HTR1D: variants seen among roughly 807,000 people sequenced by gnomAD.
HTR1D encodes 5-HT-1D.
A neutral mutation model predicts 21.1 loss-of-function variants in HTR1D; 18 were observed. The observed-to-expected ratio is 0.85, with a 90% CI of 0.59 to 1.27. HTR1D has a LOEUF of 1.27. Among genes scored for constraint, HTR1D ranks in the 50% most tolerant of loss-of-function variants. The probability of loss-of-function intolerance (pLI) is 0.00; values close to 1 mark genes in which losing one functional copy is unlikely to be tolerated. For missense variants in HTR1D, 456 were observed against 481.4 expected (o/e 0.95, Z 0.49); for synonymous variants, 196 against 204.4 (o/e 0.96, Z 0.35).
chr1:23,208,903 GAAT>G (rs1644742644), intron 1 of HTR1D, among the ~76,000 whole-genome samples: 1 of 151,632 alleles, frequency 6.6e-6, no homozygotes, highest in Admixed American at 6.6e-5. Context: ...TGTAAAAAAA[GAAT>G]ATAAAATATC....
intron 1 of HTR1D, among the ~76,000 whole-genome samples, chr1:23,202,294 T>C (rs922140568): frequency 5.3e-5 from 8 of 152,106 alleles, no homozygotes; most frequent in African/African-American, 1.7e-4. Context: ...GGTTTCACCA[T>C]GTTGGCCAGG....
rs1343560026 is a variant in HTR1D at position 23,193,721 on chromosome 1, T to C, written c.499A>G (p.Ile167Val). ...TMIAIVWAISICISIPPLFWR... is the reference protein window; with the variant it reads ...TMIAIVWAISVCISIPPLFWR... ...AAGAGCGGGGGGATGGAGATGCAGA[T>C]GGAGATGGCCCAGACAATGGCGATC... The change falls in exon 2 of 2, where the codon ATC becomes GTC. Residue 167 changes from isoleucine (I) to valine (V), a missense_variant. Ile to Val is a conservative substitution (Grantham distance 29). Coordinates refer to ENST00000374619, the MANE Select transcript of HTR1D (RefSeq NM_000864.5). 3 of 1,614,064 alleles carry C rather than the reference T, an allele frequency of 1.9e-6. No individual in the cohort carries two copies. The highest frequency in any genetic ancestry group is 2.5e-6 in the Non-Finnish European group (3 of 1,179,982).
At chr1:23,210,794 A>G (rs760825356) in intron 1 of HTR1D, among the ~76,000 whole-genome samples, 9 of 152,022 alleles carry the variant, frequency 5.9e-5, no homozygotes, top group Non-Finnish European at 1.0e-4. Context: ...AGGGCTGACC[A>G]TACTTTGCAA....
rs774702834 is a variant in HTR1D, at chr1:23,213,722, A to AT, written c.-783+3568dup. ...TGTTGTACTCCTGTCTGCTTTCTAA[A>AT]TTTTTTTTGTTTGTTTTTTAGAGAT... On this transcript the variant is annotated intron_variant, in intron 1 of 1. Transcript: ENST00000374619. Among the ~76,000 whole-genome samples the AT allele has an allele frequency of 2.6e-5, 4 of 151,756 alleles. 1 individual carries two copies. The highest frequency in any genetic ancestry group is 5.9e-5 in the Non-Finnish European group (4 of 67,944).
intron 1 of HTR1D, among the ~76,000 whole-genome samples, chr1:23,199,101 A>C (rs1011292449): frequency 2.0e-5 from 3 of 152,038 alleles, no homozygotes; most frequent in Non-Finnish European, 4.4e-5. Flanking sequence ...TGCTGGGATT[A>C]TAGGCGTGAG....
At chr1:23,208,334 G>A (rs1435247050) in intron 1 of HTR1D, among the ~76,000 whole-genome samples, 1 of 152,120 alleles carries the variant, frequency 6.6e-6, no homozygotes, top group Non-Finnish European at 1.5e-5. Context: ...CACTTTGGGA[G>A]GTCGAGGCGG....
At position 23,194,671 on chromosome 1, in the gene HTR1D, T is replaced by A. The variant is rs1332311645; in HGVS notation, c.-452A>T. 1 of 167,562 alleles carries A rather than the reference T, an allele frequency of 6.0e-6. No individual in the cohort carries two copies. 10.4% of individuals were successfully genotyped at this position (167,562 alleles called of 1,614,324 possible). On this transcript the variant is annotated 5_prime_UTR_variant, in exon 2 of 2. Coordinates refer to ENST00000374619, the MANE Select transcript of HTR1D (RefSeq NM_000864.5). ...CTCTTTTCAAAGCTTGAGACATTCG[T>A]GTGTTTAATGAGAACTTCAGAATTC...
At chr1:23,202,488 A>T (rs997344236) in intron 1 of HTR1D, among the ~76,000 whole-genome samples, 1 of 152,180 alleles carries the variant, frequency 6.6e-6, no homozygotes, top group African/African-American at 2.4e-5. Flanking sequence ...TGTTGCCTCC[A>T]CTTTCTGAGG....
At position 23,216,295 on chromosome 1, in the gene HTR1D, C is replaced by T. The variant is rs1271320942; in HGVS notation, c.-783+996G>A. Among the ~76,000 whole-genome samples, 3 of 152,228 alleles carry T rather than the reference C, an allele frequency of 2.0e-5. 1 individual carries two copies. On this transcript the variant is annotated intron_variant, in intron 1 of 1. Transcript: ENST00000374619. ...AATGATGGCCACTAGTGGCTGAGCT[C>T]TGGTTTGGAGCCAGGGGCTGTGCTG...
chr1:23,193,495 G>A lies in HTR1D; in HGVS notation c.725C>T (p.Ala242Val), dbSNP rs1454567135. 6.2e-7 allele frequency: 1 copy of A among 1,613,954 alleles called. No homozygotes were observed. Among genetic ancestry groups the A allele is most frequent in the Non-Finnish European group, 8.5e-7 (1 of 1,179,938 alleles). The stretch of plus-strand genomic sequence containing the variant: ...CCCGGCAGAGCCTGTGATGAGGTGG[G>A]CCGTGGTGAAGCGCTTCCCATAGAG... ...PSLYGKRFTTAHLITGSAGSS... is the reference protein window; with the variant it reads ...PSLYGKRFTTVHLITGSAGSS... Residue 242 changes from alanine (A) to valine (V), a missense_variant, in exon 2 of 2, where the codon GCC becomes GTC. By Grantham distance (64) the Ala-to-Val change is moderately conservative. Transcript: ENST00000374619.
At chr1:23,209,494 TA>T (rs756850501) in intron 1 of HTR1D, among the ~76,000 whole-genome samples, 93 of 86,346 alleles carry the variant, frequency 1.1e-3, no homozygotes, top group African/African-American at 1.9e-3. Context: ...GTTGGGACAG[TA>T]GGGGGGGAGG....
chr1:23,194,002 G>T lies in HTR1D; in HGVS notation c.218C>A (p.Ala73Asp). The stretch of plus-strand genomic sequence containing the variant: ...GGCCAGGGAGCCAATCAGGTAGTTG[G>T]CAGGGGTGTGGAGCTTCCTGGTGAG... ...ILLTRKLHTPANYLIGSLATT... is the reference protein window; with the variant it reads ...ILLTRKLHTPDNYLIGSLATT... Residue 73 changes from alanine (A) to aspartate (D), a missense_variant, in exon 2 of 2, where the codon GCC (alanine) becomes GAC (aspartate). Coordinates refer to ENST00000374619, the MANE Select transcript of HTR1D (RefSeq NM_000864.5). The T allele has an allele frequency of 1.2e-6, 2 of 1,614,162 alleles. No individual in the cohort carries two copies. The highest frequency in any genetic ancestry group is 1.7e-6 in the Non-Finnish European group (2 of 1,180,046).
At chr1:23,215,245 T>C (rs1260832949) in intron 1 of HTR1D, among the ~76,000 whole-genome samples, 1 of 152,054 alleles carries the variant, frequency 6.6e-6, no homozygotes, top group Non-Finnish European at 1.5e-5. Context: ...GGCGACACCC[T>C]GTCTCTACAA....
rs190329979 is a variant in HTR1D, at chr1:23,193,594, G to T, written c.626C>A (p.Pro209His). Reference sequence around the variant, plus strand: ...ATATAGGATGATGAGCAACACCGAGGGAATGTAGAAGGCCCCACAGGTGGA... The same window carrying T: ...ATATAGGATGATGAGCAACACCGAGTGAATGTAGAAGGCCCCACAGGTGGA... ...IYSTCGAFYI[P>H]SVLLIILYGR... The change falls in exon 2 of 2, where the codon CCC (proline) becomes CAC (histidine). Residue 209 changes from proline to histidine, a missense_variant. Pro to His is a moderately conservative substitution (Grantham distance 77). Transcript: ENST00000374619. 3 of 1,614,126 alleles carry T rather than the reference G, an allele frequency of 1.9e-6. No homozygotes were observed. Among genetic ancestry groups the T allele is most frequent in the Admixed American group, 3.3e-5 (2 of 60,022 alleles).
chr1:23,206,843 G>A (rs962935517), intron 1 of HTR1D, among the ~76,000 whole-genome samples: 23 of 152,080 alleles, frequency 1.5e-4, no homozygotes, highest in African/African-American at 4.6e-4. Context: ...TAGCCCTGAC[G>A]CCTGGCCCAG....
At chr1:23,209,592 G>T (rs988571702) in intron 1 of HTR1D, among the ~76,000 whole-genome samples, 1 of 152,140 alleles carries the variant, frequency 6.6e-6, no homozygotes, top group Non-Finnish European at 1.5e-5. Context: ...TTTACTATCT[G>T]CCAGGCACTG....
intron 1 of HTR1D, among the ~76,000 whole-genome samples, chr1:23,206,453 G>A (rs1644731283): frequency 6.6e-6 from 1 of 152,140 alleles, no homozygotes; most frequent in South Asian, 2.1e-4. Flanking sequence ...TTCATGAACT[G>A]GTGTTTCCTT....
At chr1:23,197,168 T>G (rs1569755714) in intron 1 of HTR1D, among the ~76,000 whole-genome samples, 1 of 152,172 alleles carries the variant, frequency 6.6e-6, no homozygotes. Flanking sequence ...CTCAAGGGGC[T>G]GGTGTGTGTG....
chr1:23,213,054 G>A (rs1400308325), intron 1 of HTR1D, among the ~76,000 whole-genome samples: 1 of 151,906 alleles, frequency 6.6e-6, no homozygotes, highest in African/African-American at 2.4e-5. Flanking sequence ...TCGAACTCCT[G>A]ACCTCAAGTA....
Sources: gnomAD v4.1 joint callset for allele counts (sites outside exome capture counted in the v4.1 genomes callset) on GRCh38, gnomAD v4.1.1 for gene constraint, MANE v1.5 for transcripts, NCBI Gene and HGNC (gene_info 2026-07-23, HGNC 2026-07-21) for gene names.